TBCD: variants seen among roughly 807,000 people sequenced by gnomAD.
TBCD encodes the protein tubulin folding cofactor D.
TBCD carries 105 observed loss-of-function variants against 169.3 expected under a neutral mutation model. That is an observed-to-expected ratio of 0.62 (90% CI 0.53 to 0.73). The LOEUF (loss-of-function observed/expected upper bound fraction) is 0.73. Ranked by LOEUF, TBCD falls within the 30% of genes least tolerant of loss-of-function variation. The probability of loss-of-function intolerance (pLI) is 0.00; values close to 1 mark genes in which losing one functional copy is unlikely to be tolerated. For missense variants in TBCD, 1,444 were observed against 1,600.1 expected, an observed-to-expected ratio of 0.90 and a Z score of 1.66; for synonymous variants, 700 against 643.9, an observed-to-expected ratio of 1.09 and a Z score of -1.32.
chr17:82,938,768 GA>G (rs1284254014), intron 36 of TBCD, among the ~76,000 whole-genome samples: 3 of 147,478 alleles, frequency 2.0e-5, no homozygotes, highest in Admixed American at 2.0e-4. Context: ...CTTCCCTGAT[GA>G]AAAGAGAGCA....
intron 18 of TBCD, among the ~76,000 whole-genome samples, chr17:82,902,463 C>G (rs1204708270): frequency 2.0e-5 from 3 of 152,268 alleles, no homozygotes; most frequent in African/African-American, 7.2e-5. Flanking sequence ...CTCAGAGTTG[C>G]AGGCGATGGT....
rs1248166960 is a variant in TBCD at position 82,845,849 on chromosome 17, G to T, written c.1319-24375G>T. 3.3e-5 allele frequency among the ~76,000 whole-genome samples: 5 copies of T among 152,204 alleles called. No homozygotes were observed. In the East Asian group the frequency reaches 9.6e-4, roughly 29 times the overall value. ...GATGAAGGAAGGGCGTCACATCTTG[G>T]ATCTTCTTAAAATACAAGATTGTTT... On this transcript the variant is annotated intron_variant, in intron 13 of 38. Transcript: ENST00000355528.
At chr17:82,913,402 G>A (rs1466633769) in intron 23 of TBCD, 3 of 152,308 alleles carry the variant, frequency 2.0e-5, no homozygotes, top group East Asian at 1.9e-4. Context: ...TGAAAGGGGG[G>A]AGTTAAAGGC....
intron 20 of TBCD, among the ~76,000 whole-genome samples, chr17:82,907,425 G>A (rs895162835): frequency 6.6e-6 from 1 of 152,264 alleles, no homozygotes; most frequent in African/African-American, 2.4e-5. Flanking sequence ...GCTCACGCCT[G>A]TAATCCCAGC....
At chr17:82,783,851 G>A (rs571337873) in intron 7 of TBCD, among the ~76,000 whole-genome samples, 29 of 152,046 alleles carry the variant, frequency 1.9e-4, no homozygotes, top group Admixed American at 1.4e-3. Context: ...CAGGCCGGGC[G>A]CGGTGGCTCA....
chr17:82,832,022 C>A lies in TBCD; in HGVS notation c.1318+17088C>A. The A allele has an allele frequency of 6.2e-7, 1 of 1,612,610 alleles. No individual in the cohort carries two copies. The highest frequency in any genetic ancestry group is 1.1e-5 in the South Asian group (1 of 91,070). On this transcript the variant is annotated intron_variant, in intron 13 of 38. Transcript: ENST00000355528. The surrounding 1 kb of genome is among the most constrained non-coding windows in gnomAD (Gnocchi z 4.9). The stretch of plus-strand genomic sequence containing the variant: ...AGAGCAGGCTGGGCACCGAGGGCGG[C>A]TTCCGGAGCTGGGCTCTTGCAGGGT...
intron 13 of TBCD, among the ~76,000 whole-genome samples, chr17:82,857,187 G>C (rs1313589286): frequency 6.6e-6 from 1 of 152,188 alleles, no homozygotes; most frequent in African/African-American, 2.4e-5. Context: ...TTGTGATTTT[G>C]ATTTGAATTT....
chr17:82,849,898 CTGT>C (rs2055508642), intron 13 of TBCD, among the ~76,000 whole-genome samples: 1 of 150,862 alleles, frequency 6.6e-6, no homozygotes, highest in Admixed American at 6.6e-5. Flanking sequence ...GTTGGCTGTG[CTGT>C]TGTTGGCTGT....
At chr17:82,830,689 C>T (rs1327689051) in intron 13 of TBCD, 1 of 1,614,046 alleles carries the variant, frequency 6.2e-7, no homozygotes, top group African/African-American at 1.3e-5. Context: ...CTCTGAGAAG[C>T]TGGCGGTTTC....
intron 9 of TBCD, among the ~76,000 whole-genome samples, chr17:82,805,554 G>T (rs984836944): frequency 1.3e-5 from 2 of 152,174 alleles, no homozygotes; most frequent in Admixed American, 6.5e-5. Context: ...CGAAGGCCGG[G>T]TGCTTCCCCA....
At chr17:82,805,003 C>T (rs144035405) in intron 9 of TBCD, among the ~76,000 whole-genome samples, 40 of 152,364 alleles carry the variant, frequency 2.6e-4, no homozygotes, top group Non-Finnish European at 4.6e-4. Context: ...AGGCTACAGC[C>T]GCAGCAGCTG....
chr17:82,899,602 A>G (rs142613361), intron 17 of TBCD, among the ~76,000 whole-genome samples: 18 of 152,372 alleles, frequency 1.2e-4, no homozygotes, highest in Admixed American at 1.2e-3. Flanking sequence ...AAGCAGTTGT[A>G]TATATTTATT....
Position 82,903,301 on chromosome 17 carries a change from C to T in TBCD, c.1731-104C>T, listed in dbSNP as rs1432593626. 11 of 1,069,556 alleles carry T rather than the reference C, an allele frequency of 1.0e-5. No individual in the cohort carries two copies. The highest frequency in any genetic ancestry group is 2.9e-5 in the South Asian group (2 of 67,922). The allele number at this position is 1,069,556 out of a possible 1,614,324, so 66.3% of individuals were successfully genotyped here. On this transcript the variant is annotated intron_variant, in intron 18 of 38. Transcript: ENST00000355528. The surrounding 1 kb of genome is among the most constrained non-coding windows in gnomAD (Gnocchi z 4.8). ...AGTGAGTGAGCCTCTGCTAAGTGGC[C>T]GGTTGAGGACTCGTGTGTTGTCTCC...
chr17:82,815,793 C>A (rs933306434), intron 13 of TBCD, among the ~76,000 whole-genome samples: 1 of 151,594 alleles, frequency 6.6e-6, no homozygotes. Context: ...CTGAAGTGAC[C>A]GCTTTGCACT....
rs778597687 is a variant in TBCD at position 82,939,430 on chromosome 17, G to A, written c.3433G>A (p.Ala1145Thr). 68 of 1,613,704 alleles carry A rather than the reference G, an allele frequency of 4.2e-5. No individual in the cohort carries two copies. The highest frequency in any genetic ancestry group is 2.0e-4 in the South Asian group (18 of 91,006). Residue 1145 changes from alanine (A) to threonine (T), a missense_variant, in exon 37 of 39, where the codon GCG becomes ACG. Transcript: ENST00000355528. ...TLLTYSDVVG[A>T]DVLDEVVTVL... ...GCTCACCTACAGTGACGTCGTGGGC[G>A]CGGATGTGCTGGACGAGGTGGTGAC...
intron 13 of TBCD, among the ~76,000 whole-genome samples, chr17:82,821,655 T>A (rs900650192): frequency 6.6e-6 from 1 of 152,142 alleles, no homozygotes; most frequent in Non-Finnish European, 1.5e-5. Flanking sequence ...GTGCAGTCTG[T>A]CACCCCATGT....
chr17:82,861,487 T>TA (rs1395537378), intron 13 of TBCD, among the ~76,000 whole-genome samples: 1 of 152,182 alleles, frequency 6.6e-6, no homozygotes, highest in East Asian at 1.9e-4. Context: ...AATGTTTGTT[T>TA]ATATTGATAA....
intron 6 of TBCD, among the ~76,000 whole-genome samples, chr17:82,779,867 G>A (rs1396743145): frequency 6.6e-6 from 1 of 152,114 alleles, no homozygotes; most frequent in African/African-American, 2.4e-5. Flanking sequence ...CGTGGGCGTC[G>A]CGTGGGGCAC....
intron 23 of TBCD, among the ~76,000 whole-genome samples, chr17:82,917,019 CTTTTCTT>C (rs1268942376): frequency 3.7e-5 from 4 of 108,518 alleles, no homozygotes; most frequent in African/African-American, 1.4e-4. Flanking sequence ...TTTTTCTTTT[CTTTTCTT>C]TTTTTTTTTT....
Sources: gnomAD v4.1 joint callset for allele counts (sites outside exome capture counted in the v4.1 genomes callset) on GRCh38, gnomAD v4.1.1 for gene constraint, Gnocchi (gnomAD v3.1) non-coding constraint, MANE v1.5 for transcripts, NCBI Gene and HGNC (gene_info 2026-07-23, HGNC 2026-07-21) for gene names.